CEP170: variants seen among roughly 807,000 people sequenced by gnomAD.
The protein encoded by CEP170 is centrosomal protein of 170 kDa.
CEP170 carries 21 observed loss-of-function variants against 151.9 expected under a neutral mutation model. The ratio of observed to expected loss-of-function variants is 0.14; its 90% CI spans 0.10 to 0.20. The LOEUF is 0.20. Ranked by LOEUF, CEP170 falls within the 10% of genes least tolerant of loss-of-function variation. The pLI, the probability that CEP170 is intolerant of heterozygous loss-of-function variation, is 1.00. For synonymous variants in CEP170, 356 were observed against 648.8 expected (o/e 0.55, Z 6.86); for missense variants, 964 against 1,892.9 (o/e 0.51, Z 9.11).
chr1:243,253,948 TTTTG>T (rs1022185569), intron 1 of CEP170, among the ~76,000 whole-genome samples: 4 of 152,244 alleles, frequency 2.6e-5, no homozygotes, highest in African/African-American at 7.2e-5. Context: ...GGGCCAGTTG[TTTTG>T]TTTGTTTTAC....
intron 16 of CEP170, 56 bp from the exon 17 acceptor site, chr1:243,136,287 C>T (rs2055068151): frequency 5.8e-6 from 7 of 1,201,684 alleles, no homozygotes; most frequent in Non-Finnish European, 8.1e-6. Flanking sequence ...TATTGTATAA[C>T]TACTGAGATC....
At chr1:243,211,741 A>G (rs2061826065) in intron 4 of CEP170, 145 bp downstream of exon 4, 2 of 898,426 alleles carry the variant, frequency 2.2e-6, no homozygotes, top group Admixed American at 3.1e-5. Flanking sequence ...CTAAAAATAT[A>G]TATGTATTTT....
chr1:243,227,138 C>T (rs533075703), intron 1 of CEP170, among the ~76,000 whole-genome samples: 5 of 152,246 alleles, frequency 3.3e-5, no homozygotes, highest in South Asian at 4.2e-4. Flanking sequence ...ACATCACACT[C>T]GTTAATATTA....
At chr1:243,187,629 T>C (rs1212037418) in intron 8 of CEP170, among the ~76,000 whole-genome samples, 3 of 152,188 alleles carry the variant, frequency 2.0e-5, no homozygotes, top group Admixed American at 2.0e-4. Flanking sequence ...AACAAAATAA[T>C]GATCAGACAC....
chr1:243,216,126 G>A (rs1177867213), intron 3 of CEP170, among the ~76,000 whole-genome samples: 1 of 151,996 alleles, frequency 6.6e-6, no homozygotes, highest in East Asian at 1.9e-4. Context: ...TGCCTATGCA[G>A]ACATCAAATA....
intron 13 of CEP170, 49 bp from the exon 14 acceptor site, chr1:243,156,504 A>G: frequency 6.7e-7 from 1 of 1,485,372 alleles, no homozygotes; most frequent in East Asian, 2.5e-5. Flanking sequence ...TATCATTTAA[A>G]GGAGGTAAAA....
chr1:243,245,813 G>C (rs1466155758), intron 1 of CEP170, among the ~76,000 whole-genome samples: 1 of 152,018 alleles, frequency 6.6e-6, no homozygotes, highest in East Asian at 1.9e-4. Context: ...GGGCATGGCA[G>C]CCCATGCCTA....
chr1:243,221,072 T>C (rs1453734134), intron 3 of CEP170, among the ~76,000 whole-genome samples: 12 of 152,198 alleles, frequency 7.9e-5, no homozygotes, highest in Admixed American at 1.3e-4. Context: ...TCGCCCAGGC[T>C]GGAGTGCAGT....
intron 1 of CEP170, among the ~76,000 whole-genome samples, chr1:243,251,023 G>A (rs2065889015): frequency 6.6e-6 from 1 of 152,170 alleles, no homozygotes; most frequent in South Asian, 2.1e-4. Flanking sequence ...AGTTGGAGGT[G>A]TCCTAACATT....
chr1:243,209,430 G>T (rs2061628910), intron 4 of CEP170, among the ~76,000 whole-genome samples: 1 of 152,054 alleles, frequency 6.6e-6, no homozygotes, highest in Non-Finnish European at 1.5e-5. Flanking sequence ...CAACTGATCT[G>T]CCCACTTTGG....
At chr1:243,216,692 T>G (rs1489060267) in intron 3 of CEP170, among the ~76,000 whole-genome samples, 1 of 152,144 alleles carries the variant, frequency 6.6e-6, no homozygotes, top group African/African-American at 2.4e-5. Flanking sequence ...AGCATATATA[T>G]AGAGATAGGG....
chr1:243,253,396 C>T (rs2149217338), intron 1 of CEP170: 1 of 152,274 alleles, frequency 6.6e-6, no homozygotes, highest in East Asian at 1.9e-4. Flanking sequence ...CAGAATGGAC[C>T]TTGAGTTTCG....
intron 3 of CEP170, among the ~76,000 whole-genome samples, chr1:243,218,316 G>T (rs969998751): frequency 2.6e-5 from 4 of 152,230 alleles, no homozygotes; most frequent in African/African-American, 9.6e-5. Flanking sequence ...TGGCAGGCTT[G>T]CAATGGCACA....
At chr1:243,252,056 A>C (rs761310017) in intron 1 of CEP170, among the ~76,000 whole-genome samples, 1 of 152,152 alleles carries the variant, frequency 6.6e-6, no homozygotes, top group Non-Finnish European at 1.5e-5. Flanking sequence ...TCTGATTAGA[A>C]ATTTTGGTTA....
intron 18 of CEP170, among the ~76,000 whole-genome samples, chr1:243,129,012 AAAG>A (rs891331205): frequency 8.5e-5 from 13 of 152,226 alleles, no homozygotes; most frequent in African/African-American, 3.1e-4. Flanking sequence ...ATTCTTTTAA[AAAG>A]AAGATAAGCA....
At chr1:243,244,939 A>G (rs937647795) in intron 1 of CEP170, among the ~76,000 whole-genome samples, 2 of 152,204 alleles carry the variant, frequency 1.3e-5, no homozygotes, top group African/African-American at 4.8e-5. Flanking sequence ...CATAAGGAAA[A>G]GGAAATAAGA....
chr1:243,216,203 A>C (rs954488897), intron 3 of CEP170, among the ~76,000 whole-genome samples: 3 of 152,104 alleles, frequency 2.0e-5, no homozygotes, highest in Admixed American at 1.3e-4. Context: ...TCCTTTTTTA[A>C]ATTTTATTAT....
chr1:243,229,435 G>T (rs1223610725), intron 1 of CEP170, among the ~76,000 whole-genome samples: 1 of 151,502 alleles, frequency 6.6e-6, no homozygotes, highest in African/African-American at 2.4e-5. Context: ...GGAAAAAAAA[G>T]GCCAAGAAGA....
At chr1:243,154,500 A>C (rs1371377849) in intron 14 of CEP170, among the ~76,000 whole-genome samples, 2 of 152,126 alleles carry the variant, frequency 1.3e-5, no homozygotes, top group Admixed American at 6.5e-5. Context: ...TTTTTTCTCC[A>C]CATAAAACAA....
Sources: gnomAD v4.1 joint callset for allele counts (sites outside exome capture counted in the v4.1 genomes callset) on GRCh38, gnomAD v4.1.1 for gene constraint, MANE v1.5 for transcripts, NCBI Gene and HGNC (gene_info 2026-07-23, HGNC 2026-07-21) for gene names.